PKP2: variants seen among roughly 807,000 people sequenced by gnomAD.
PKP2 encodes plakophilin-2.
Under a neutral mutation model 83.4 loss-of-function variants are expected in PKP2, and 73 were observed. That is an observed-to-expected ratio of 0.88 (90% CI 0.72 to 1.06). The LOEUF (loss-of-function observed/expected upper bound fraction) is 1.06, where lower values mean the gene tolerates loss of function less well. Ranked by LOEUF, PKP2 falls within the 50% of genes least tolerant of loss-of-function variation. The pLI is 0.00. For missense variants in PKP2, 966 were observed against 1,065.4 expected, an observed-to-expected ratio of 0.91 and a Z score of 1.30; for synonymous variants, 409 against 430.4, an observed-to-expected ratio of 0.95 and a Z score of 0.62.
chr12:32,850,457 T>C (rs1956685680), intron 5 of PKP2, among the ~76,000 whole-genome samples: 1 of 151,864 alleles, frequency 6.6e-6, no homozygotes, highest in Non-Finnish European at 1.5e-5. Flanking sequence ...TAATCCCAGC[T>C]ACTAGGGAAG....
At chr12:32,819,649 G>A (rs1347291718) in intron 9 of PKP2, among the ~76,000 whole-genome samples, 2 of 152,138 alleles carry the variant, frequency 1.3e-5, no homozygotes, top group Admixed American at 6.6e-5. Flanking sequence ...TATGTAATAT[G>A]CTCAAAAGAA....
intron 1 of PKP2, among the ~76,000 whole-genome samples, chr12:32,889,683 T>A (rs553534730): frequency 6.6e-6 from 1 of 152,204 alleles, no homozygotes; most frequent in African/African-American, 2.4e-5. Context: ...TGTCTTGGGG[T>A]AGATGGAAGG....
intron 4 of PKP2, among the ~76,000 whole-genome samples, chr12:32,868,529 T>C (rs1488509882): frequency 1.3e-5 from 2 of 151,256 alleles, no homozygotes. Flanking sequence ...TTTTTTCTTT[T>C]CTTTTTTTTC....
chr12:32,851,500 G>C (rs547493725), intron 4 of PKP2, among the ~76,000 whole-genome samples: 2 of 152,168 alleles, frequency 1.3e-5, no homozygotes, highest in South Asian at 4.2e-4. Context: ...ATGCAGTCTG[G>C]CTCTGTCACC....
chr12:32,853,092 T>A (rs765205796), intron 4 of PKP2, among the ~76,000 whole-genome samples: 3 of 152,014 alleles, frequency 2.0e-5, no homozygotes, highest in Non-Finnish European at 4.4e-5. Context: ...TCAAAAAAAA[T>A]ATTTCTTAGC....
At chr12:32,862,507 T>C (rs1956808808) in intron 4 of PKP2, among the ~76,000 whole-genome samples, 6 of 152,068 alleles carry the variant, frequency 3.9e-5, no homozygotes, top group South Asian at 4.2e-4. Context: ...TAGCCGGGCA[T>C]GGTGGCGCAT....
chr12:32,873,195 G>A (rs1956908198), intron 3 of PKP2, among the ~76,000 whole-genome samples: 1 of 152,150 alleles, frequency 6.6e-6, no homozygotes, highest in African/African-American at 2.4e-5. Context: ...GACCTCCCAG[G>A]CTCAAGTGAT....
At chr12:32,886,921 C>T (rs529012825) in intron 1 of PKP2, among the ~76,000 whole-genome samples, 1 of 152,034 alleles carries the variant, frequency 6.6e-6, no homozygotes, top group South Asian at 2.1e-4. Context: ...ATTGCTTGAG[C>T]CCTGGAGACA....
In PKP2 at chr12:32,811,397, A is replaced by G. The variant is rs147657308; in HGVS notation, c.2014-8841T>C. Reference sequence around the variant, plus strand: ...AGCATTATAGACTTGTTTTGGCTTCAGATTTTCATTAGCCATGACTCTGGC... The same window carrying G: ...AGCATTATAGACTTGTTTTGGCTTCGGATTTTCATTAGCCATGACTCTGGC... On this transcript the variant is annotated intron_variant, in intron 9 of 12. Transcript: ENST00000340811. 1.6e-4 allele frequency among the ~76,000 whole-genome samples: 25 copies of G among 152,364 alleles called. No homozygotes were observed. In the East Asian group the frequency reaches 2.7e-3, roughly 16 times the overall value.
At chr12:32,839,088 T>A (rs1228916971) in intron 6 of PKP2, among the ~76,000 whole-genome samples, 1 of 152,078 alleles carries the variant, frequency 6.6e-6, no homozygotes, top group Non-Finnish European at 1.5e-5. Flanking sequence ...GTGAAGTATA[T>A]CTGTGGGAAA....
chr12:32,819,859 TACAC>T (rs141866119), intron 9 of PKP2, among the ~76,000 whole-genome samples: 1 of 143,112 alleles, frequency 7.0e-6, no homozygotes, highest in Non-Finnish European at 1.5e-5. Flanking sequence ...ACAGCAAGCT[TACAC>T]ACACACACAC....
intron 9 of PKP2, 59 bp downstream of exon 9, chr12:32,821,297 T>A (rs1455022439): frequency 1.5e-6 from 2 of 1,376,300 alleles, no homozygotes; most frequent in South Asian, 1.2e-5. Context: ...CTGAATTGAA[T>A]GTAGGTATGT....
At chr12:32,819,885 AC>A (rs34249258) in intron 9 of PKP2, among the ~76,000 whole-genome samples, 2,068 of 145,086 alleles carry the variant, frequency 0.014, 23 homozygotes, top group African/African-American at 0.033. Flanking sequence ...CGCACACACA[AC>A]CCCCCCCCCC....
intron 1 of PKP2, chr12:32,893,222 T>G (rs1957090811): frequency 6.6e-6 from 1 of 152,176 alleles, no homozygotes; most frequent in Non-Finnish European, 1.5e-5. Flanking sequence ...GTCTCAACCT[T>G]ACAGGTTTGT....
At chr12:32,833,524 T>C (rs997915736) in intron 6 of PKP2, among the ~76,000 whole-genome samples, 5 of 152,186 alleles carry the variant, frequency 3.3e-5, no homozygotes, top group East Asian at 1.9e-4. Flanking sequence ...CTGATAGTTA[T>C]AGCCTTTCTT....
At chr12:32,843,357 C>A (rs776459389) in intron 5 of PKP2, 2 of 1,355,488 alleles carry the variant, frequency 1.5e-6, no homozygotes, top group Non-Finnish European at 2.0e-6. Flanking sequence ...GGGCAGGCTC[C>A]TTTATGAACA....
intron 1 of PKP2, among the ~76,000 whole-genome samples, chr12:32,881,813 T>C (rs1419751599): frequency 6.6e-6 from 1 of 152,220 alleles, no homozygotes; most frequent in Non-Finnish European, 1.5e-5. Flanking sequence ...ATTATTATTT[T>C]ATGTTGGCTG....
rs1227875716 is a variant in PKP2, at chr12:32,796,303, A to G, written c.2168-5T>C. 1 of 1,599,004 alleles carries G rather than the reference A, an allele frequency of 6.3e-7. No individual in the cohort carries two copies. Among genetic ancestry groups the G allele is most frequent in the East Asian group, 2.3e-5 (1 of 43,096 alleles). ...AATCAGGGAGAGTTTCTTTGGCTACAAAATGAAAAAAAAAACAAAACACTT... is the reference window on the plus strand; with the variant it reads ...AATCAGGGAGAGTTTCTTTGGCTACGAAATGAAAAAAAAAACAAAACACTT... On this transcript the variant is annotated splice_region_variant and splice_polypyrimidine_tract_variant and intron_variant, in intron 10 of 12. Coordinates refer to ENST00000340811, the MANE Select transcript of PKP2 (RefSeq NM_001005242.3).
intron 4 of PKP2, among the ~76,000 whole-genome samples, chr12:32,867,396 T>C (rs1325470415): frequency 6.6e-6 from 1 of 152,166 alleles, no homozygotes; most frequent in Non-Finnish European, 1.5e-5. Context: ...GCTGGAGGGA[T>C]TATATGGATT....
Sources: gnomAD v4.1 joint callset for allele counts (sites outside exome capture counted in the v4.1 genomes callset) on GRCh38, gnomAD v4.1.1 for gene constraint, MANE v1.5 for transcripts, NCBI Gene and HGNC (gene_info 2026-07-23, HGNC 2026-07-21) for gene names.